MAP7: variants seen among roughly 807,000 people sequenced by gnomAD.
MAP7 encodes the protein microtubule associated protein 7.
In MAP7, 52 loss-of-function variants were observed where a neutral mutation model predicts 94.8. The observed-to-expected ratio is 0.55, with a 90% CI of 0.44 to 0.69. The LOEUF (loss-of-function observed/expected upper bound fraction) is 0.69. Among genes scored for constraint, MAP7 ranks in the 30% least tolerant of loss-of-function variants. MAP7 has a pLI of 0.00. For missense variants in MAP7, 940 were observed against 964.6 expected (o/e 0.97, Z 0.34); for synonymous variants, 350 against 357.0 (o/e 0.98, Z 0.22).
At chr6:136,450,818 G>A (rs2128880620) in intron 1 of MAP7, among the ~76,000 whole-genome samples, 1 of 152,116 alleles carries the variant, frequency 6.6e-6, no homozygotes, top group African/African-American at 2.4e-5. Flanking sequence ...ATACATTTCT[G>A]TGAAGAGGAG....
intron 6 of MAP7, among the ~76,000 whole-genome samples, chr6:136,383,381 T>A (rs1778316201): frequency 1.3e-5 from 2 of 152,226 alleles, no homozygotes; most frequent in Admixed American, 1.3e-4. Flanking sequence ...TTTTGGTGGA[T>A]AAGTGGGTGA....
rs185001200 is a variant in MAP7, at chr6:136,384,744, C to A, written c.527-963G>T. On this transcript the variant is annotated intron_variant, in intron 5 of 17. Coordinates refer to ENST00000354570, the MANE Select transcript of MAP7 (RefSeq NM_003980.6). ...CAAGTGATACTCCACCTTGACTTCC[C>A]AAAGTGTTGGGATTACAGGCATGAG... is the stretch of plus-strand genomic sequence containing the variant. Among the ~76,000 whole-genome samples the A allele has an allele frequency of 2.5e-3, 383 of 152,222 alleles. 6 individuals are homozygous for A. The highest frequency in any genetic ancestry group is 0.021 in the Admixed American group (319 of 15,278).
intron 1 of MAP7, among the ~76,000 whole-genome samples, chr6:136,497,797 CAAAAAAAAAAAAAAAAAA>C (rs1199112585): frequency 2.1e-5 from 1 of 46,568 alleles, no homozygotes; most frequent in Non-Finnish European, 4.8e-5. Flanking sequence ...GACTCTGTCA[CAAAAAAAAAAAAAAAAAA>C]AAAAGAAAGC....
At chr6:136,426,286 T>C (rs1265779966) in intron 1 of MAP7, among the ~76,000 whole-genome samples, 2 of 152,224 alleles carry the variant, frequency 1.3e-5, no homozygotes, top group Non-Finnish European at 2.9e-5. Context: ...AAATGTTAAG[T>C]AATTTTAAGG....
chr6:136,467,024 A>G (rs942636121), intron 1 of MAP7: 3 of 742,740 alleles, frequency 4.0e-6, no homozygotes, highest in Non-Finnish European at 5.7e-6. Flanking sequence ...AAAAACTGGG[A>G]AATGCTTCTG....
chr6:136,358,481 A>G (rs533956520), intron 15 of MAP7, among the ~76,000 whole-genome samples: 2 of 152,368 alleles, frequency 1.3e-5, no homozygotes, highest in Non-Finnish European at 2.9e-5. Flanking sequence ...ACATACACAT[A>G]CATACATTAG....
chr6:136,465,337 T>C (rs866138627), intron 1 of MAP7, among the ~76,000 whole-genome samples: 1 of 152,226 alleles, frequency 6.6e-6, no homozygotes, highest in African/African-American at 2.4e-5. Context: ...TTTATCCAGT[T>C]TTCTTACTGA....
chr6:136,420,464 A>T (rs913065105), intron 2 of MAP7: 23 of 463,076 alleles, frequency 5.0e-5, no homozygotes, highest in African/African-American at 3.9e-4. Flanking sequence ...CTACTTCCAT[A>T]GAGACACACT....
rs140453457 is a variant in MAP7 at position 136,415,099 on chromosome 6, C to G, written c.167-3402G>C. On this transcript the variant is annotated intron_variant, in intron 2 of 17. Transcript: ENST00000354570. ...GCATTACAAGCGTGAGCCACCATGC[C>G]CGATCTCGGCTAATTAAAAAAATTT... Among the ~76,000 whole-genome samples the G allele has an allele frequency of 5.5e-3, 839 of 152,086 alleles. 3 individuals carry two copies. Among genetic ancestry groups the G allele is most frequent in the African/African-American group, 0.019 (808 of 41,496 alleles).
chr6:136,448,953 A>G (rs1800186613), intron 1 of MAP7, among the ~76,000 whole-genome samples: 1 of 151,830 alleles, frequency 6.6e-6, no homozygotes, highest in African/African-American at 2.4e-5. Context: ...CCCCACTTAA[A>G]GCATGCCTAC....
chr6:136,431,492 C>CTTTCTTTA lies in MAP7; in HGVS notation c.68-9694_68-9693insTAAAGAAA, dbSNP rs1554254554. Among the ~76,000 whole-genome samples, 6 of 145,460 alleles carry CTTTCTTTA rather than the reference C, an allele frequency of 4.1e-5. No homozygotes were observed. In the South Asian group the frequency reaches 1.1e-3, roughly 27 times the overall value. On this transcript the variant is annotated intron_variant, in intron 1 of 17. Transcript: ENST00000354570. Reference sequence around the variant, plus strand: ...CCCAATAAATATCAACTTTTTAATGCTTTATTTATTTATTTATTTATTTAT... The same window carrying CTTTCTTTA: ...CCCAATAAATATCAACTTTTTAATGCTTTCTTTATTTATTTATTTATTTATTTATTTAT...
chr6:136,524,967 G>A (rs924491384), intron 1 of MAP7, among the ~76,000 whole-genome samples: 4 of 152,206 alleles, frequency 2.6e-5, no homozygotes, highest in African/African-American at 9.7e-5. Flanking sequence ...TATATTTTGG[G>A]GAAGGGGAAG....
intron 1 of MAP7, among the ~76,000 whole-genome samples, chr6:136,500,034 T>C (rs1442965423): frequency 6.6e-6 from 1 of 151,242 alleles, no homozygotes; most frequent in Non-Finnish European, 1.5e-5. Flanking sequence ...GAGTGGACTT[T>C]TGAGTCAGAC....
At chr6:136,471,350 A>G (rs1808913683) in intron 1 of MAP7, among the ~76,000 whole-genome samples, 1 of 152,146 alleles carries the variant, frequency 6.6e-6, no homozygotes, top group African/African-American at 2.4e-5. Flanking sequence ...TCTTAATCGT[A>G]GTTCTTTATT....
intron 7 of MAP7, among the ~76,000 whole-genome samples, chr6:136,376,132 T>G (rs750626933): frequency 6.6e-6 from 1 of 151,676 alleles, no homozygotes; most frequent in Non-Finnish European, 1.5e-5. Context: ...GGAGTCTCGC[T>G]CTATCCCCCA....
chr6:136,502,929 A>G (rs778520596), intron 1 of MAP7, among the ~76,000 whole-genome samples: 37 of 152,180 alleles, frequency 2.4e-4, no homozygotes, highest in Non-Finnish European at 7.3e-5. Context: ...TGAGGTTGCC[A>G]GACCAGCAGT....
intron 1 of MAP7, among the ~76,000 whole-genome samples, chr6:136,484,855 G>A (rs141345768): frequency 1.3e-5 from 2 of 152,128 alleles, no homozygotes; most frequent in African/African-American, 4.8e-5. Context: ...ACCAGGCTAG[G>A]TTAATTTTTA....
At chr6:136,430,535 G>A (rs189309529) in intron 1 of MAP7, among the ~76,000 whole-genome samples, 45 of 152,116 alleles carry the variant, frequency 3.0e-4, no homozygotes, top group African/African-American at 8.7e-4. Flanking sequence ...CACTGCTGTC[G>A]AATATCAAAA....
At chr6:136,496,083 T>C (rs1818113350) in intron 1 of MAP7, among the ~76,000 whole-genome samples, 1 of 152,228 alleles carries the variant, frequency 6.6e-6, no homozygotes, top group African/African-American at 2.4e-5. Flanking sequence ...GTTATGTTAC[T>C]GAACAGGTAT....
Sources: allele counts gnomAD v4.1 joint callset (sites outside exome capture counted in the v4.1 genomes callset), GRCh38; gene constraint gnomAD v4.1.1; transcripts MANE v1.5; gene names NCBI Gene and HGNC (gene_info 2026-07-23, HGNC 2026-07-21).